TRPA1: variants seen among roughly 807,000 people sequenced by gnomAD.
TRPA1 encodes transient receptor potential cation channel subfamily A member 1.
A neutral mutation model predicts 131.3 loss-of-function variants in TRPA1; 129 were observed. That is an observed-to-expected ratio of 0.98 (90% CI 0.85 to 1.14). The LOEUF (loss-of-function observed/expected upper bound fraction) is 1.14, where lower values mean the gene tolerates loss of function less well. Among genes scored for constraint, TRPA1 ranks in the 50% most tolerant of loss-of-function variants. The pLI is 0.00. For missense variants in TRPA1, 1,304 were observed against 1,354.2 expected (o/e 0.96, Z 0.58); for synonymous variants, 441 against 451.7 (o/e 0.98, Z 0.30).
Position 72,046,550 on chromosome 8 carries a change from G to T in TRPA1, c.2024C>A (p.Thr675Lys). 1 of 1,599,828 alleles carries T rather than the reference G, an allele frequency of 6.3e-7. No homozygotes were observed. The highest frequency in any genetic ancestry group is 8.5e-7 in the Non-Finnish European group (1 of 1,169,784). Residue 675 changes from threonine (T) to lysine (K), a missense_variant, in exon 17 of 27, where the codon ACA (threonine) becomes AAA (lysine). Coordinates refer to ENST00000262209, the MANE Select transcript of TRPA1 (RefSeq NM_007332.3). ...AAGCGGTTCATATATAACATCCTGT[G>T]TAGGTGTTTTTTTGGTGAATTCTAA... is the stretch of plus-strand genomic sequence containing the variant. Reference protein sequence around the residue: ...CPLEFTKKTPTQDVIYEPLTA... With the variant: ...CPLEFTKKTPKQDVIYEPLTA...
chr8:72,057,538 A>T (rs752032547), intron 9 of TRPA1, among the ~76,000 whole-genome samples, 179 bp downstream of exon 9: 3 of 152,246 alleles, frequency 2.0e-5, no homozygotes, highest in Admixed American at 2.0e-4. Context: ...CTTACTGGAC[A>T]GAAAATTATT....
chr8:72,082,304 T>C, the TRPA1 span, among the ~76,000 whole-genome samples: 1 of 152,020 alleles, frequency 6.6e-6, no homozygotes, highest in Non-Finnish European at 1.5e-5. Context: ...CATTTATACA[T>C]CTATGCATGG....
At chr8:72,061,482 T>C in intron 7 of TRPA1, 143 bp downstream of exon 7, 1 of 905,198 alleles carries the variant, frequency 1.1e-6, no homozygotes, top group Admixed American at 1.9e-5. Flanking sequence ...TTCCGGTTGA[T>C]CCACAGGGTC....
At chr8:72,048,061 G>A (rs546642405) in intron 15 of TRPA1, among the ~76,000 whole-genome samples, 1 of 151,552 alleles carries the variant, frequency 6.6e-6, no homozygotes, top group South Asian at 2.1e-4. Context: ...ACAGGATGGT[G>A]GGGGATAGAT....
At position 72,057,019 on chromosome 8, in the gene TRPA1, T is replaced by TA. The variant is rs751559676; in HGVS notation, c.1094-3dup. The stretch of plus-strand genomic sequence containing the variant: ...TATCTTTTATGTCTACTTGGGCACC[T>TA]AAAAAAAAACACTATGTAAATATAA... On this transcript the variant is annotated splice_polypyrimidine_tract_variant and splice_region_variant and intron_variant, in intron 9 of 26. Transcript: ENST00000262209. 615 of 1,560,310 alleles carry TA rather than the reference T, an allele frequency of 3.9e-4. No homozygotes were observed. The highest frequency in any genetic ancestry group is 4.4e-4 in the Non-Finnish European group (502 of 1,141,926).
At chr8:72,053,673 G>A (rs1805585629) in intron 13 of TRPA1, 80 bp downstream of exon 13, 3 of 1,017,746 alleles carry the variant, frequency 2.9e-6, no homozygotes, top group South Asian at 2.7e-5. Flanking sequence ...GGTAAAAGGT[G>A]TCTAGGAGAG....
chr8:72,032,578 G>A (rs1811867439), intron 23 of TRPA1, among the ~76,000 whole-genome samples: 1 of 152,216 alleles, frequency 6.6e-6, no homozygotes, highest in African/African-American at 2.4e-5. Flanking sequence ...TCCAGGTAGA[G>A]ATGCACAGCG....
intron 18 of TRPA1, 71 bp downstream of exon 18, chr8:72,039,656 A>G: frequency 1.0e-6 from 1 of 990,924 alleles, no homozygotes; most frequent in Middle Eastern, 2.1e-4. Flanking sequence ...ATTACAATAT[A>G]ATTGTTTTGA....
Position 72,061,722 on chromosome 8 carries a change from C to T in TRPA1, c.847G>A (p.Gly283Arg), listed in dbSNP as rs754954560. 1.9e-6 allele frequency: 3 copies of T among 1,613,846 alleles called. No individual in the cohort carries two copies. In the East Asian group the frequency reaches 6.7e-5, roughly 36 times the overall value. ...CTAIHFAATQ[G>R]ATEIVKLMIS... ...ATCAGTTTAACAATCTCAGTGGCTCCCTGGGTGGCAGCAAAATGAATGGCT... is the reference window on the plus strand; with the variant it reads ...ATCAGTTTAACAATCTCAGTGGCTCTCTGGGTGGCAGCAAAATGAATGGCT... Residue 283 changes from glycine to arginine, a missense_variant, in exon 7 of 27, where the codon GGA becomes AGA. Coordinates refer to ENST00000262209, the MANE Select transcript of TRPA1 (RefSeq NM_007332.3).
chr8:72,040,937 G>A (rs967800119), intron 17 of TRPA1, among the ~76,000 whole-genome samples: 2 of 152,004 alleles, frequency 1.3e-5, no homozygotes, highest in African/African-American at 2.4e-5. Flanking sequence ...TGATTGAATG[G>A]ATAAAACCCA....
intron 21 of TRPA1, 113 bp from the exon 22 acceptor site, chr8:72,034,490 C>A: frequency 1.7e-6 from 1 of 604,454 alleles, no homozygotes. Context: ...GATGAGATCA[C>A]TGAGGCCAGT....
intron 1 of TRPA1, among the ~76,000 whole-genome samples, chr8:72,072,691 A>G (rs966900676): frequency 2.6e-5 from 4 of 152,146 alleles, no homozygotes; most frequent in Admixed American, 6.5e-5. Context: ...GCCTAAATCT[A>G]TTTGGAAGCA....
chr8:72,047,125 T>C (rs995897264), intron 16 of TRPA1, 23 bp downstream of exon 16: 9 of 1,535,490 alleles, frequency 5.9e-6, no homozygotes, highest in Non-Finnish European at 8.1e-6. Context: ...AAATTTCAGA[T>C]AATGATGATA....
intron 17 of TRPA1, among the ~76,000 whole-genome samples, chr8:72,044,268 G>A (rs16937938): frequency 0.093 from 13,925 of 150,296 alleles, 952 homozygotes; most frequent in Admixed American, 0.23. Context: ...AAACTTCCAC[G>A]TAGATTTGAC....
intron 14 of TRPA1, 191 bp downstream of exon 14, chr8:72,052,408 C>A: frequency 1.8e-6 from 1 of 552,268 alleles, no homozygotes; most frequent in Non-Finnish European, 2.9e-6. Flanking sequence ...TGCGACAGAG[C>A]TAGACCTTTT....
chr8:72,040,177 T>C (rs1812203652), intron 17 of TRPA1, among the ~76,000 whole-genome samples: 1 of 152,152 alleles, frequency 6.6e-6, no homozygotes, highest in Non-Finnish European at 1.5e-5. Context: ...CAGTAGAATA[T>C]ACATACATAG....
chr8:72,033,614 A>C (rs1811915554), intron 23 of TRPA1, 30 bp downstream of exon 23: 2 of 1,584,406 alleles, frequency 1.3e-6, no homozygotes, highest in African/African-American at 2.7e-5. Flanking sequence ...AATGATCAAC[A>C]AACAGAAAAT....
At chr8:72,029,718 G>A (rs1318001435) in intron 24 of TRPA1, 183 bp downstream of exon 24, 2 of 699,098 alleles carry the variant, frequency 2.9e-6, no homozygotes, top group Non-Finnish European at 2.6e-6. Context: ...TGGCAGCGAG[G>A]AACAGAACCC....
At chr8:72,089,288 A>G in the TRPA1 span, among the ~76,000 whole-genome samples, 2 of 152,154 alleles carry the variant, frequency 1.3e-5, no homozygotes, top group African/African-American at 4.8e-5. Flanking sequence ...ATTTGGAAGT[A>G]CAATTTAAGG....
Sources: gnomAD v4.1 joint callset for allele counts (sites outside exome capture counted in the v4.1 genomes callset) on GRCh38, gnomAD v4.1.1 for gene constraint, MANE v1.5 for transcripts, NCBI Gene and HGNC (gene_info 2026-07-23, HGNC 2026-07-21) for gene names.